Variants in ROBO2 observed in about 807,000 individuals in gnomAD.
ROBO2 encodes roundabout homolog 2.
A neutral mutation model predicts 160.8 loss-of-function variants in ROBO2; 53 were observed. That is an observed-to-expected ratio of 0.33 (90% CI 0.26 to 0.41). The LOEUF is 0.41. ROBO2 is among the 10% of genes least tolerant of loss of function. ROBO2 has a pLI of 1.00. For synonymous variants in ROBO2, 664 were observed against 611.7 expected (o/e 1.09, Z -1.26); for missense variants, 1,577 against 1,722.4 (o/e 0.92, Z 1.49).
At chr3:76,878,753 A>G (rs2073039223) in intron 2 of ROBO2, among the ~76,000 whole-genome samples, 1 of 152,172 alleles carries the variant, frequency 6.6e-6, no homozygotes, top group African/African-American at 2.4e-5. Context: ...ACACCCAGAG[A>G]TACCTTAAAA....
chr3:76,851,969 A>C (rs2148544480), intron 2 of ROBO2, among the ~76,000 whole-genome samples: 1 of 152,172 alleles, frequency 6.6e-6, no homozygotes, highest in African/African-American at 2.4e-5. Context: ...TAGGCTTAAT[A>C]GAAGGAGAGA....
intron 1 of ROBO2, among the ~76,000 whole-genome samples, chr3:75,925,417 AG>A (rs1947255629): frequency 6.6e-6 from 1 of 152,088 alleles, no homozygotes; most frequent in Admixed American, 6.5e-5. Flanking sequence ...AATAAATAAA[AG>A]GGGAGGGTGT....
At chr3:76,245,863 C>T (rs1705584940) in intron 2 of ROBO2, among the ~76,000 whole-genome samples, 1 of 152,158 alleles carries the variant, frequency 6.6e-6, no homozygotes, top group Non-Finnish European at 1.5e-5. Context: ...GCTGACTCCC[C>T]TTCATTCCAA....
At chr3:77,647,784 C>T (rs533077949) in exon 26 of ROBO2, 9 of 152,190 alleles carry the variant, frequency 5.9e-5, no homozygotes, top group South Asian at 2.1e-4. Context: ...AAATATTCAA[C>T]GTGATTAGGA....
intron 2 of ROBO2, among the ~76,000 whole-genome samples, chr3:76,320,889 T>C (rs1056771776): frequency 1.3e-5 from 2 of 152,222 alleles, no homozygotes; most frequent in African/African-American, 4.8e-5. Flanking sequence ...GTTATGAAGG[T>C]AATTTGTACA....
At chr3:76,548,254 A>G (rs1305792878) in intron 2 of ROBO2, among the ~76,000 whole-genome samples, 3 of 152,186 alleles carry the variant, frequency 2.0e-5, no homozygotes, top group Non-Finnish European at 2.9e-5. Flanking sequence ...AAAGCTTACT[A>G]TGGGTCTGGC....
intron 2 of ROBO2, among the ~76,000 whole-genome samples, chr3:76,833,431 G>T (rs2067256168): frequency 1.3e-5 from 2 of 152,252 alleles, no homozygotes; most frequent in Middle Eastern, 3.4e-3. Context: ...AAGTTTGTGG[G>T]ATAGAATGCT....
At chr3:76,680,040 G>A (rs953099538) in intron 2 of ROBO2, among the ~76,000 whole-genome samples, 5 of 152,050 alleles carry the variant, frequency 3.3e-5, no homozygotes, top group Admixed American at 2.6e-4. Context: ...GTATATTGCT[G>A]TGTGCAGGTA....
rs1342476513 is a variant in ROBO2 at position 77,562,709 on chromosome 3, G to A, written c.1496G>A (p.Trp499Ter). 6.2e-7 allele frequency: 1 copy of A among 1,612,506 alleles called. No individual in the cohort carries two copies. The highest frequency in any genetic ancestry group is 2.2e-5 in the East Asian group (1 of 44,774). ...ACAAGTTCAAGTGGAGAGACTTCCT[G>A]GAGTGCAGTGCTGGATGTGACAGGT... is the stretch of plus-strand genomic sequence containing the variant. Residue 499 changes from tryptophan to a stop codon, truncating the protein, a stop_gained, in exon 10 of 26, where the codon TGG becomes TAG. Transcript: ENST00000461745. LOFTEE classifies it high-confidence loss of function.
At chr3:76,328,275 G>C (rs540583226) in intron 2 of ROBO2, among the ~76,000 whole-genome samples, 1 of 152,282 alleles carries the variant, frequency 6.6e-6, no homozygotes, top group South Asian at 2.1e-4. Flanking sequence ...TTTAAAATGA[G>C]AATAGAGTGC....
intron 2 of ROBO2, among the ~76,000 whole-genome samples, chr3:76,874,366 T>C (rs1181430189): frequency 6.6e-6 from 1 of 152,194 alleles, no homozygotes; most frequent in Non-Finnish European, 1.5e-5. Flanking sequence ...TTTTTCCCTT[T>C]CAATTCATTA....
chr3:77,264,271 C>G (rs935311640), intron 2 of ROBO2, among the ~76,000 whole-genome samples: 11 of 152,146 alleles, frequency 7.2e-5, no homozygotes, highest in African/African-American at 2.7e-4. Flanking sequence ...TAGGTAAAAA[C>G]TTAAAAAGAC....
At chr3:76,246,573 A>G (rs777244400) in intron 2 of ROBO2, among the ~76,000 whole-genome samples, 2 of 152,140 alleles carry the variant, frequency 1.3e-5, no homozygotes, top group Non-Finnish European at 1.5e-5. Flanking sequence ...TTTAAATAAT[A>G]TCAAGTCACG....
intron 2 of ROBO2, among the ~76,000 whole-genome samples, chr3:76,582,183 T>C (rs2085744829): frequency 6.6e-6 from 1 of 152,192 alleles, no homozygotes; most frequent in South Asian, 2.1e-4. Context: ...AAATTATTGG[T>C]ATCATAAATC....
At chr3:76,972,529 A>G (rs1449166717) in intron 2 of ROBO2, among the ~76,000 whole-genome samples, 1 of 152,034 alleles carries the variant, frequency 6.6e-6, no homozygotes, top group Non-Finnish European at 1.5e-5. Context: ...TGTATAGATT[A>G]TATATATAAA....
chr3:77,451,563 T>G (rs2153562417), intron 2 of ROBO2, among the ~76,000 whole-genome samples: 1 of 152,190 alleles, frequency 6.6e-6, no homozygotes, highest in African/African-American at 2.4e-5. Context: ...AGTGCAGTTT[T>G]ATTTAATATA....
At chr3:77,548,886 T>A (rs1559591064) in intron 7 of ROBO2, among the ~76,000 whole-genome samples, 1 of 151,908 alleles carries the variant, frequency 6.6e-6, no homozygotes, top group Non-Finnish European at 1.5e-5. Flanking sequence ...AAATTATAAA[T>A]TCTCAAATCA....
At chr3:76,340,667 A>G (rs2074169822) in intron 2 of ROBO2, among the ~76,000 whole-genome samples, 1 of 152,104 alleles carries the variant, frequency 6.6e-6, no homozygotes, top group Non-Finnish European at 1.5e-5. Flanking sequence ...TTGGAAGGGC[A>G]TTTGTTTAAT....
intron 2 of ROBO2, among the ~76,000 whole-genome samples, chr3:77,136,660 G>A (rs1411109526): frequency 6.9e-6 from 1 of 144,866 alleles, no homozygotes; most frequent in Non-Finnish European, 1.5e-5. Context: ...TTTTTTTTGA[G>A]ACTGAGTCTC....
Sources: allele counts gnomAD v4.1 joint callset (sites outside exome capture counted in the v4.1 genomes callset), GRCh38; gene constraint gnomAD v4.1.1; transcripts MANE v1.5; gene names NCBI Gene and HGNC (gene_info 2026-07-23, HGNC 2026-07-21).